USB1: variants seen among roughly 807,000 people sequenced by gnomAD.
USB1 encodes the protein U6 snRNA biogenesis phosphodiesterase 1.
USB1 carries 21 observed loss-of-function variants against 29.9 expected under a neutral mutation model. The ratio of observed to expected loss-of-function variants is 0.70; its 90% CI spans 0.50 to 1.01. The LOEUF is 1.01. USB1 is among the 50% of genes least tolerant of loss of function. The pLI is 0.00. For synonymous variants in USB1, 143 were observed against 134.9 expected, an observed-to-expected ratio of 1.06 and a Z score of -0.42; for missense variants, 330 against 347.1, an observed-to-expected ratio of 0.95 and a Z score of 0.39.
rs1963733829 is a variant in USB1 at position 58,021,254 on chromosome 16, G to C, written c.*1009G>C. On this transcript the variant is annotated 3_prime_UTR_variant, in exon 7 of 7. Coordinates refer to ENST00000219281, the MANE Select transcript of USB1 (RefSeq NM_024598.4). ...CACTTCTTTCTCCCACTCACCCCCA[G>C]CAAGGTGCCTGGGGAGACTTGAGCA... The C allele has an allele frequency of 6.6e-6, 1 of 152,282 alleles. No homozygotes were observed. 9.4% of individuals were successfully genotyped at this position (152,282 alleles called of 1,614,324 possible). A position where few individuals can be genotyped will look rare whatever the true frequency, so the allele number is the denominator to read the frequency against.
At position 58,002,633 on chromosome 16, in the gene USB1, G is replaced by C. The variant is rs764580227; in HGVS notation, c.253G>C (p.Val85Leu). The C allele has an allele frequency of 6.2e-7, 1 of 1,613,706 alleles. No homozygotes were observed. The highest frequency in any genetic ancestry group is 1.1e-5 in the South Asian group (1 of 91,074). Reference protein sequence around the residue: ...PHERGNWATHVYVPYEAKEEF... With the variant: ...PHERGNWATHLYVPYEAKEEF... ...CGAGCGAGGCAACTGGGCCACCCAC[G>C]TCTATGTACCATGTGAGTGATGTGT... Residue 85 changes from valine (V) to leucine (L), a missense_variant, in exon 2 of 7, where the codon GTC (valine) becomes CTC (leucine). Coordinates refer to ENST00000219281, the MANE Select transcript of USB1 (RefSeq NM_024598.4).
At chr16:58,010,555 G>C (rs141482664) in intron 3 of USB1, 1 of 271,894 alleles carries the variant, frequency 3.7e-6, no homozygotes, top group East Asian at 9.2e-5. Flanking sequence ...ACCATCTGCA[G>C]TGTTGAGCTC....
chr16:58,002,319 T>G (rs760028186), intron 1 of USB1, among the ~76,000 whole-genome samples, 160 bp from the exon 2 acceptor site: 3 of 152,200 alleles, frequency 2.0e-5, no homozygotes, highest in African/African-American at 7.2e-5. Context: ...GAGACAATAC[T>G]GGAGAAACAA....
chr16:58,018,955 C>T lies in USB1; in HGVS notation c.610-17C>T. On this transcript the variant is annotated splice_polypyrimidine_tract_variant and intron_variant, in intron 5 of 6. Transcript: ENST00000219281. Reference sequence around the variant, plus strand: ...AAGGCGTCCGGGTGACTGCCTGCCTCTCGTTTCCCTCCCCAGGATCCTTCT... The same window carrying T: ...AAGGCGTCCGGGTGACTGCCTGCCTTTCGTTTCCCTCCCCAGGATCCTTCT... The T allele has an allele frequency of 6.2e-7, 1 of 1,613,980 alleles. No homozygotes were observed. The highest frequency in any genetic ancestry group is 8.5e-7 in the Non-Finnish European group (1 of 1,179,938).
intron 2 of USB1, among the ~76,000 whole-genome samples, chr16:58,006,774 T>C (rs1963370509): frequency 6.6e-6 from 1 of 152,234 alleles, no homozygotes; most frequent in African/African-American, 2.4e-5. Context: ...TGAAAAGCAA[T>C]AGTGAGAGGA....
At chr16:58,010,818 C>A (rs1376070246) in intron 3 of USB1, 3 of 582,596 alleles carry the variant, frequency 5.1e-6, no homozygotes, top group Non-Finnish European at 9.2e-6. Flanking sequence ...GAGTGAGCCA[C>A]CCTCCCAGCA....
chr16:58,010,157 G>T, intron 3 of USB1, 45 bp downstream of exon 3: 1 of 1,610,792 alleles, frequency 6.2e-7, no homozygotes. Flanking sequence ...CCCCTCCATG[G>T]CTTCTCCTCC....
upstream of USB1, chr16:58,001,307 G>T: frequency 2.7e-6 from 2 of 734,538 alleles, no homozygotes; most frequent in Non-Finnish European, 4.6e-6. Context: ...CAGACAGCTT[G>T]GAGTCGGTGG....
intron 3 of USB1, chr16:58,012,485 C>T: frequency 8.5e-7 from 1 of 1,175,948 alleles, no homozygotes; most frequent in Admixed American, 2.1e-5. Flanking sequence ...CACAGGCAGA[C>T]TGTTCACCAT....
chr16:58,011,973 C>A (rs1963507108), intron 3 of USB1: 1 of 1,085,538 alleles, frequency 9.2e-7, no homozygotes, highest in Non-Finnish European at 1.1e-6. Context: ...GTTTTCTGAC[C>A]CTGCCTTTAT....
At chr16:58,010,676 T>G (rs1454536320) in intron 3 of USB1, 3 of 285,078 alleles carry the variant, frequency 1.1e-5, no homozygotes, top group Non-Finnish European at 1.3e-5. Flanking sequence ...AGGCAAACAG[T>G]CCACTTACTA....
At position 58,010,068 on chromosome 16, in the gene USB1, C is replaced by T; in HGVS notation, c.405C>T (p.Leu135=). ...TGGTTCTGCGCCACCACTGGATCCTCCCCTTCGTGCAGGCTCTGAAAGCCC... is the reference window on the plus strand; with the variant it reads ...TGGTTCTGCGCCACCACTGGATCCTTCCCTTCGTGCAGGCTCTGAAAGCCC... The part of the protein sequence containing the change: ...QSVVLRHHWI[L]PFVQALKARM... Residue 135 remains leucine (L), a synonymous_variant, in exon 3 of 7, where the codon CTC becomes CTT. Coordinates refer to ENST00000219281, the MANE Select transcript of USB1 (RefSeq NM_024598.4). 1.2e-6 allele frequency: 2 copies of T among 1,614,188 alleles called. No individual in the cohort carries two copies. Among genetic ancestry groups the T allele is most frequent in the African/African-American group, 2.7e-5 (2 of 75,054 alleles).
At chr16:58,010,263 C>G in intron 3 of USB1, 151 bp downstream of exon 3, 1 of 906,442 alleles carries the variant, frequency 1.1e-6, no homozygotes, top group Non-Finnish European at 1.7e-6. Context: ...ACTTCTCATC[C>G]TCCGTGACCT....
chr16:58,012,726 CT>C (rs1963526170), intron 3 of USB1: 1 of 1,077,074 alleles, frequency 9.3e-7, no homozygotes, highest in Non-Finnish European at 1.1e-6. Flanking sequence ...AGCTCTGCCC[CT>C]GGATGAAGGA....
At position 58,020,766 on chromosome 16, in the gene USB1, T is replaced by C. The variant is rs1043209800; in HGVS notation, c.*521T>C. ...CTCTCTTCCTCTCCTCTCTCTCTCT[T>C]GCTTTCTTCTCTCTCTCCTGTCTCG... On this transcript the variant is annotated 3_prime_UTR_variant, in exon 7 of 7. Coordinates refer to ENST00000219281, the MANE Select transcript of USB1 (RefSeq NM_024598.4). 1 of 186,042 alleles carries C rather than the reference T, an allele frequency of 5.4e-6. No homozygotes were observed. Among genetic ancestry groups the C allele is most frequent in the Non-Finnish European group, 1.1e-5 (1 of 87,508 alleles). 11.5% of individuals were successfully genotyped at this position (186,042 alleles called of 1,614,324 possible).
Position 58,020,093 on chromosome 16 carries a change from C to A in USB1, c.694-48C>A, listed in dbSNP as rs1963702323. ...GTTTTGTTTGCAGTGCCCTGTGGGT[C>A]CCAGATGCCCCTTAATGTGACTGTC... is the stretch of plus-strand genomic sequence containing the variant. On this transcript the variant is annotated intron_variant, in intron 6 of 6. Coordinates refer to ENST00000219281, the MANE Select transcript of USB1 (RefSeq NM_024598.4). The A allele has an allele frequency of 2.5e-6, 4 of 1,593,880 alleles. No individual in the cohort carries two copies. In the South Asian group the frequency reaches 4.4e-5, roughly 18 times the overall value.
intron 5 of USB1, among the ~76,000 whole-genome samples, chr16:58,018,723 A>G (rs1318490957): frequency 6.6e-6 from 1 of 151,976 alleles, no homozygotes; most frequent in Non-Finnish European, 1.5e-5. Context: ...TTTACATACT[A>G]TCACATTGGG....
chr16:58,019,106 G>C (rs368789413), intron 6 of USB1, 51 bp downstream of exon 6: 1 of 1,583,108 alleles, frequency 6.3e-7, no homozygotes, highest in African/African-American at 1.3e-5. Flanking sequence ...AGAAATGACA[G>C]GACAGATGCT....
chr16:58,010,995 TG>T, intron 3 of USB1: 2 of 703,742 alleles, frequency 2.8e-6, no homozygotes, highest in Non-Finnish European at 2.6e-6. Flanking sequence ...CTTCTAATCA[TG>T]CCTTGCTCTT....
Sources: gnomAD v4.1 joint callset for allele counts (sites outside exome capture counted in the v4.1 genomes callset) on GRCh38, gnomAD v4.1.1 for gene constraint, MANE v1.5 for transcripts, NCBI Gene and HGNC (gene_info 2026-07-23, HGNC 2026-07-21) for gene names.